The following SUSD4 variants were observed in gnomAD, a reference collection of about 807,000 sequenced individuals.
The protein encoded by SUSD4 is sushi domain containing 4.
SUSD4 carries 41 observed loss-of-function variants against 50.5 expected under a neutral mutation model. That is an observed-to-expected ratio of 0.81 (90% confidence interval 0.63 to 1.05). The LOEUF (loss-of-function observed/expected upper bound fraction) is 1.05. SUSD4 is among the 50% of genes least tolerant of loss of function. The probability of loss-of-function intolerance (pLI) is 0.00; values close to 1 mark genes in which losing one functional copy is unlikely to be tolerated. For missense variants in SUSD4, 580 were observed against 634.7 expected (o/e 0.91, Z 0.93); for synonymous variants, 257 against 257.3 (o/e 1.00, Z 0.01).
intron 5 of SUSD4, chr1:223,235,250 C>T (rs1660141332): frequency 1.3e-6 from 1 of 789,272 alleles, no homozygotes; most frequent in South Asian, 2.0e-5. Context: ...GCAGAAGGTA[C>T]AGGAAGTTCC....
At chr1:223,252,675 T>A (rs923742462) in intron 5 of SUSD4, among the ~76,000 whole-genome samples, 5 of 152,108 alleles carry the variant, frequency 3.3e-5, no homozygotes, top group African/African-American at 1.2e-4. Flanking sequence ...TGTGATAGCT[T>A]GAACTAAGGA....
intron 2 of SUSD4, among the ~76,000 whole-genome samples, chr1:223,293,508 T>C (rs1440850184): frequency 6.6e-6 from 1 of 151,970 alleles, no homozygotes; most frequent in Non-Finnish European, 1.5e-5. Context: ...GCTGAATGAA[T>C]AAATGAGGTT....
At position 223,221,864 on chromosome 1, in the gene SUSD4, C is replaced by T. The variant is rs929218240; in HGVS notation, c.*328G>A. On this transcript the variant is annotated 3_prime_UTR_variant, in exon 9 of 9. Transcript: ENST00000366878. ...GGAGTACTTGCCAGTCAATGGGATG[C>T]GTGATGATTCGGTGGGATGTGCGTG... 5.6e-5 allele frequency: 15 copies of T among 265,650 alleles called. No homozygotes were observed. The highest frequency in any genetic ancestry group is 3.5e-4 in the East Asian group (5 of 14,400). The allele number at this position is 265,650 out of a possible 1,614,324, so 16.5% of individuals were successfully genotyped here. A position where few individuals can be genotyped will look rare whatever the true frequency, so the allele number is the denominator to read the frequency against.
intron 5 of SUSD4, among the ~76,000 whole-genome samples, chr1:223,239,863 T>A (rs1660463273): frequency 6.6e-6 from 1 of 152,150 alleles, no homozygotes. Context: ...CCTTCACTCA[T>A]TCCTTCTTCA....
At chr1:223,364,901 C>T (rs1318838399), upstream of SUSD4, among the ~76,000 whole-genome samples, 1 of 152,182 alleles carries the variant, frequency 6.6e-6, no homozygotes, top group African/African-American at 2.4e-5. This position sits in a 1 kb window ranked among gnomAD's most constrained non-coding sequence, Gnocchi z 4.5. Flanking sequence ...GAAGGACCAT[C>T]TGAGGCGGCT....
intron 3 of SUSD4, among the ~76,000 whole-genome samples, chr1:223,286,020 A>C (rs1053804782): frequency 6.6e-6 from 1 of 152,250 alleles, no homozygotes; most frequent in Admixed American, 6.5e-5. Flanking sequence ...CGGGGAAAAA[A>C]TCAGCTGAAG....
In SUSD4 at chr1:223,230,086, C is replaced by T. The variant is rs149989187; in HGVS notation, c.725-698G>A. On this transcript the variant is annotated intron_variant, in intron 5 of 8. Coordinates refer to ENST00000366878, the MANE Select transcript of SUSD4 (RefSeq NM_017982.4). ...GGAAGCTTATTCTACCCTAGGAGGA[C>T]GCCTTAGGGTTCTGACTCGAATATC... Among the ~76,000 whole-genome samples the T allele has an allele frequency of 2.3e-3, 347 of 152,294 alleles. 2 individuals are homozygous for T. The highest frequency in any genetic ancestry group is 1.9e-3 in the South Asian group (9 of 4,824).
chr1:223,284,283 TCC>T (rs1363554709), intron 3 of SUSD4, among the ~76,000 whole-genome samples: 4 of 152,190 alleles, frequency 2.6e-5, no homozygotes, highest in Non-Finnish European at 4.4e-5. Context: ...GGTAACGAGA[TCC>T]AACCCTAATT....
chr1:223,324,607 CA>C (rs1429977490), intron 2 of SUSD4, among the ~76,000 whole-genome samples: 3 of 151,750 alleles, frequency 2.0e-5, no homozygotes, highest in African/African-American at 7.3e-5. Context: ...CTCTCAAGAT[CA>C]GTCTGGAAAT....
intron 3 of SUSD4, among the ~76,000 whole-genome samples, chr1:223,277,824 G>T (rs1571952639): frequency 6.6e-6 from 1 of 152,120 alleles, no homozygotes; most frequent in East Asian, 1.9e-4. Context: ...CTGATTCTAA[G>T]AATTAAACAT....
At chr1:223,235,268 T>A (rs893986074) in intron 5 of SUSD4, among the ~76,000 whole-genome samples, 2 of 152,168 alleles carry the variant, frequency 1.3e-5, no homozygotes, top group Non-Finnish European at 2.9e-5. Flanking sequence ...TCCCGTATAC[T>A]CCCTGCTCCC....
chr1:223,262,377 C>T (rs913254465), intron 5 of SUSD4, among the ~76,000 whole-genome samples: 3 of 152,080 alleles, frequency 2.0e-5, no homozygotes, highest in African/African-American at 7.2e-5. Flanking sequence ...TTGTGCAAAT[C>T]GTGTGCTTAG....
At chr1:223,302,398 C>A (rs1292404950) in intron 2 of SUSD4, among the ~76,000 whole-genome samples, 2 of 152,196 alleles carry the variant, frequency 1.3e-5, no homozygotes, top group Non-Finnish European at 2.9e-5. Context: ...TGCCCAGCAA[C>A]TATTTGAGCT....
chr1:223,237,384 T>A (rs1258623910), intron 5 of SUSD4, among the ~76,000 whole-genome samples: 2 of 152,058 alleles, frequency 1.3e-5, no homozygotes, highest in African/African-American at 4.8e-5. Flanking sequence ...TCCAGTATGA[T>A]GCTGAAACGG....
chr1:223,242,960 G>A (rs1660684244), intron 5 of SUSD4, among the ~76,000 whole-genome samples: 1 of 152,190 alleles, frequency 6.6e-6, no homozygotes, highest in East Asian at 1.9e-4. Flanking sequence ...TGTCTACCCT[G>A]CTGCTTCTCT....
chr1:223,243,706 G>C (rs181615489), intron 5 of SUSD4, among the ~76,000 whole-genome samples: 2 of 152,374 alleles, frequency 1.3e-5, no homozygotes, highest in East Asian at 3.9e-4. Context: ...CACTGTCTGA[G>C]CTCAGGGAAG....
intron 6 of SUSD4, among the ~76,000 whole-genome samples, chr1:223,228,068 A>G (rs1363943436): frequency 6.6e-6 from 1 of 152,178 alleles, no homozygotes; most frequent in Non-Finnish European, 1.5e-5. Flanking sequence ...TCTTGCCTGG[A>G]GAAGTTGCTC....
Position 223,355,711 on chromosome 1 carries a change from G to T in SUSD4, c.148+7567C>A, listed in dbSNP as rs116234007. Among the ~76,000 whole-genome samples, 582 of 152,284 alleles carry T rather than the reference G, an allele frequency of 3.8e-3. 5 individuals carry two copies. The highest frequency in any genetic ancestry group is 0.013 in the African/African-American group (561 of 41,556). On this transcript the variant is annotated intron_variant, in intron 2 of 8. Coordinates refer to ENST00000366878, the MANE Select transcript of SUSD4 (RefSeq NM_017982.4). Reference sequence around the variant, plus strand: ...CACTTCCACGGTGGTAATTCTGGGAGATAAAGGTCACAAATTTCAAACAGA... The same window carrying T: ...CACTTCCACGGTGGTAATTCTGGGATATAAAGGTCACAAATTTCAAACAGA...
intron 2 of SUSD4, among the ~76,000 whole-genome samples, chr1:223,302,443 G>A (rs1303839486): frequency 1.3e-5 from 2 of 152,166 alleles, no homozygotes; most frequent in Non-Finnish European, 2.9e-5. Context: ...CAGCACAACT[G>A]TACTTCAGGC....
Sources: gnomAD v4.1 joint callset for allele counts (sites outside exome capture counted in the v4.1 genomes callset) on GRCh38, gnomAD v4.1.1 for gene constraint, Gnocchi (gnomAD v3.1) non-coding constraint, MANE v1.5 for transcripts, NCBI Gene and HGNC (gene_info 2026-07-23, HGNC 2026-07-21) for gene names.